Variants in KMO observed in about 807,000 individuals in gnomAD.
The protein encoded by KMO is kynurenine 3-monooxygenase, also known as kynurenine 3-hydroxylase.
Under a neutral mutation model 57.8 loss-of-function variants are expected in KMO, and 24 were observed. That is an observed-to-expected ratio of 0.42 (90% CI 0.30 to 0.58). The LOEUF (loss-of-function observed/expected upper bound fraction) is 0.58, where lower values mean the gene tolerates loss of function less well. KMO is among the 20% of genes least tolerant of loss of function. The probability of loss-of-function intolerance (pLI) is 0.22; values close to 1 mark genes in which losing one functional copy is unlikely to be tolerated. For missense variants in KMO, 483 were observed against 588.2 expected, an observed-to-expected ratio of 0.82 and a Z score of 1.85; for synonymous variants, 210 against 193.6, an observed-to-expected ratio of 1.08 and a Z score of -0.70.
chr1:241,536,577 T>C, intron 1 of KMO: 1 of 864,346 alleles, frequency 1.2e-6, no homozygotes, highest in Non-Finnish European at 1.4e-6. Flanking sequence ...AAGAGGGCTA[T>C]TAAGCATTCC....
At chr1:241,587,741 G>T (rs562236367) in intron 11 of KMO, among the ~76,000 whole-genome samples, 13 of 150,242 alleles carry the variant, frequency 8.7e-5, no homozygotes, top group African/African-American at 3.2e-4. Flanking sequence ...ACCATGCCCG[G>T]CATAAATTCC....
chr1:241,562,393 T>C (rs1558421057), intron 7 of KMO, 61 bp downstream of exon 7: 1 of 1,520,774 alleles, frequency 6.6e-7, no homozygotes, highest in East Asian at 2.3e-5. Flanking sequence ...CGCGAATGCG[T>C]ATTCTAGTGC....
rs567007436 is a variant in KMO, at chr1:241,578,900, CAA to C, written c.958-7778_958-7777del. On this transcript the variant is annotated intron_variant, in intron 10 of 14. Coordinates refer to ENST00000366559, the MANE Select transcript of KMO (RefSeq NM_003679.5). ...AAGGCCCTTCTCACATGGTAGCAGA[CAA>C]GAGAAGAGTGAGAGCCAAGTGAAAG... is the stretch of plus-strand genomic sequence containing the variant. 3.7e-3 allele frequency among the ~76,000 whole-genome samples: 562 copies of C among 152,164 alleles called. 15 individuals carry two copies. The highest frequency in any genetic ancestry group is 0.031 in the Admixed American group (480 of 15,292).
chr1:241,558,563 T>C (rs1661722128), intron 5 of KMO, among the ~76,000 whole-genome samples: 1 of 152,194 alleles, frequency 6.6e-6, no homozygotes, highest in Non-Finnish European at 1.5e-5. Context: ...TGTTAATAAT[T>C]ATTAAGCCAA....
At chr1:241,570,690 G>A (rs1037435416) in intron 10 of KMO, among the ~76,000 whole-genome samples, 15 of 152,102 alleles carry the variant, frequency 9.9e-5, no homozygotes, top group African/African-American at 3.6e-4. Context: ...CTTTAGTTTT[G>A]TAGTATAATT....
intron 7 of KMO, among the ~76,000 whole-genome samples, chr1:241,564,253 A>T (rs1661992128): frequency 6.6e-6 from 1 of 152,180 alleles, no homozygotes; most frequent in Admixed American, 6.5e-5. Context: ...AATATGAAAT[A>T]ATTGGAAAGT....
chr1:241,590,118 G>T lies in KMO; in HGVS notation c.1200+5G>T, dbSNP rs755336224. 1.9e-6 allele frequency: 3 copies of T among 1,609,526 alleles called. No individual in the cohort carries two copies. In the South Asian group the frequency reaches 3.3e-5, roughly 18 times the overall value. On this transcript the variant is annotated splice_donor_5th_base_variant and intron_variant, in intron 13 of 14. Transcript: ENST00000366559. ...TTTATCCCTCTCTATACAATGGTAA[G>T]GTCTGGACTGAAGACTTTTCCTCAT...
chr1:241,594,823 G>C lies in KMO; in HGVS notation c.*2670G>C, dbSNP rs1308420639. 1 of 962,550 alleles carries C rather than the reference G, an allele frequency of 1.0e-6. No homozygotes were observed. Among genetic ancestry groups the C allele is most frequent in the African/African-American group, 1.6e-5 (1 of 60,932 alleles). The allele number at this position is 962,550 out of a possible 1,614,324, so 59.6% of individuals were successfully genotyped here. ...TTAGCAGGTGTGGATGTGGGGTTAT[G>C]TGGTCATGCTCAGATCTACCTAAAT... is the stretch of plus-strand genomic sequence containing the variant. On this transcript the variant is annotated 3_prime_UTR_variant, in exon 15 of 15. Coordinates refer to ENST00000366559, the MANE Select transcript of KMO (RefSeq NM_003679.5).
chr1:241,545,296 G>C (rs1311810680), intron 1 of KMO, among the ~76,000 whole-genome samples: 2 of 152,164 alleles, frequency 1.3e-5, no homozygotes, highest in Non-Finnish European at 2.9e-5. Context: ...TTCTGTTGTT[G>C]TAAGCTCTTT....
chr1:241,547,775 A>G (rs2147946770), intron 1 of KMO, among the ~76,000 whole-genome samples: 1 of 152,316 alleles, frequency 6.6e-6, no homozygotes, highest in East Asian at 1.9e-4. Context: ...ACAGTTTGGC[A>G]TCAGAAAAGT....
chr1:241,589,026 C>T (rs1663139228), intron 12 of KMO, among the ~76,000 whole-genome samples, 196 bp downstream of exon 12: 1 of 152,050 alleles, frequency 6.6e-6, no homozygotes, highest in Non-Finnish European at 1.5e-5. Flanking sequence ...ATGACCAATA[C>T]ACATTATCTC....
At chr1:241,555,890 C>T (rs992338890) in intron 5 of KMO, 16 of 365,516 alleles carry the variant, frequency 4.4e-5, no homozygotes, top group East Asian at 1.2e-4. Flanking sequence ...ATTTGAGACC[C>T]GCCTGGGCAA....
intron 5 of KMO, among the ~76,000 whole-genome samples, chr1:241,559,423 T>C (rs927280806): frequency 2.2e-5 from 3 of 139,074 alleles, no homozygotes; most frequent in Non-Finnish European, 4.6e-5. Context: ...AAATACTATA[T>C]ACTTATGTAA....
intron 11 of KMO, among the ~76,000 whole-genome samples, chr1:241,587,048 C>A (rs1385145006): frequency 6.6e-6 from 1 of 152,178 alleles, no homozygotes; most frequent in Non-Finnish European, 1.5e-5. Context: ...GCCTAGGTAA[C>A]ACCCTCTGCC....
chr1:241,542,940 C>T (rs1030997756), intron 1 of KMO, among the ~76,000 whole-genome samples: 13 of 152,154 alleles, frequency 8.5e-5, no homozygotes, highest in South Asian at 2.1e-4. Context: ...TTGTTAGCCA[C>T]GCCCATTACT....
intron 10 of KMO, among the ~76,000 whole-genome samples, chr1:241,586,413 T>G (rs1419780680): frequency 6.6e-6 from 1 of 151,942 alleles, no homozygotes; most frequent in African/African-American, 2.4e-5. Context: ...TTGCCCAGGC[T>G]GATCTCAAAC....
intron 5 of KMO, among the ~76,000 whole-genome samples, chr1:241,557,103 A>G (rs1661662835): frequency 6.6e-6 from 1 of 152,132 alleles, no homozygotes; most frequent in Non-Finnish European, 1.5e-5. Context: ...GATAGGGGAT[A>G]TAGAAAGTTG....
At position 241,537,935 on chromosome 1, in the gene KMO, A is replaced by G. The variant is rs186244225; in HGVS notation, c.54+5437A>G. On this transcript the variant is annotated intron_variant, in intron 1 of 14. Transcript: ENST00000366559. ...GTGGGGACACAACCAAACCATATCA[A>G]CAAGTTTTGCAGTAAAGAGAAGATT... Among the ~76,000 whole-genome samples, 877 of 152,330 alleles carry G rather than the reference A, an allele frequency of 5.8e-3. 4 individuals carry two copies. The highest frequency in any genetic ancestry group is 8.8e-3 in the Admixed American group (135 of 15,294).
chr1:241,580,641 T>C (rs1425006120), intron 10 of KMO, among the ~76,000 whole-genome samples: 7 of 152,110 alleles, frequency 4.6e-5, no homozygotes, highest in Non-Finnish European at 1.5e-5. Context: ...TTAATTTCCA[T>C]GTGTTTGTAT....
Sources: allele counts gnomAD v4.1 joint callset (sites outside exome capture counted in the v4.1 genomes callset), GRCh38; gene constraint gnomAD v4.1.1; transcripts MANE v1.5; gene names NCBI Gene and HGNC (gene_info 2026-07-23, HGNC 2026-07-21).